C1orf21: variants seen among roughly 807,000 people sequenced by gnomAD.
The protein encoded by C1orf21 is uncharacterized protein C1orf21.
Under a neutral mutation model 18.7 loss-of-function variants are expected in C1orf21, and 3 were observed. The observed-to-expected ratio is 0.16, with a 90% CI of 0.07 to 0.42. The LOEUF (loss-of-function observed/expected upper bound fraction) is 0.42, where lower values mean the gene tolerates loss of function less well. Ranked by LOEUF, C1orf21 falls within the 10% of genes least tolerant of loss-of-function variation. The pLI is 0.99. For synonymous variants in C1orf21, 41 were observed against 46.4 expected, an observed-to-expected ratio of 0.88 and a Z score of 0.47; for missense variants, 104 against 143.6, an observed-to-expected ratio of 0.72 and a Z score of 1.41.
chr1:184,440,963 T>C (rs1656934518), intron 1 of C1orf21, among the ~76,000 whole-genome samples: 1 of 152,228 alleles, frequency 6.6e-6, no homozygotes, highest in East Asian at 1.9e-4. Context: ...TATTCAGTAT[T>C]TTGAACTGAA....
chr1:184,561,876 G>T (rs531442631), intron 3 of C1orf21, among the ~76,000 whole-genome samples: 36 of 152,018 alleles, frequency 2.4e-4, no homozygotes, highest in Admixed American at 1.3e-4. Context: ...ATCATGATCC[G>T]CCCACCTTGG....
chr1:184,394,174 A>G (rs2101953713), intron 1 of C1orf21, among the ~76,000 whole-genome samples: 1 of 152,354 alleles, frequency 6.6e-6, no homozygotes, highest in Admixed American at 6.5e-5. Context: ...TTGTTATGCA[A>G]TATCCTGAGT....
In C1orf21 at chr1:184,428,791, A is replaced by G. The variant is rs185165614; in HGVS notation, c.-125+41423A>G. Among the ~76,000 whole-genome samples the G allele has an allele frequency of 2.2e-4, 34 of 152,260 alleles. 1 individual carries two copies. The highest frequency in any genetic ancestry group is 1.9e-3 in the Admixed American group (29 of 15,290). On this transcript the variant is annotated intron_variant, in intron 1 of 5. Transcript: ENST00000235307. Reference sequence around the variant, plus strand: ...CCCCTGGTGGATAAAATGGGCCCAGACAGGGAAAGAAGCTGGGTCTGAGCT... The same window carrying G: ...CCCCTGGTGGATAAAATGGGCCCAGGCAGGGAAAGAAGCTGGGTCTGAGCT...
At chr1:184,486,216 T>C (rs1476945100) in intron 2 of C1orf21, among the ~76,000 whole-genome samples, 1 of 152,172 alleles carries the variant, frequency 6.6e-6, no homozygotes, top group Non-Finnish European at 1.5e-5. Flanking sequence ...TCCTTTTAGG[T>C]GGTTCCTGGG....
At chr1:184,460,622 CTT>C (rs1657289185) in intron 1 of C1orf21, among the ~76,000 whole-genome samples, 3 of 13,304 alleles carry the variant, frequency 2.3e-4, no homozygotes, top group South Asian at 0.021. Context: ...TCGTCGTCGT[CTT>C]CTTCTTCTTC....
chr1:184,610,007 G>A (rs1338797078), intron 5 of C1orf21, among the ~76,000 whole-genome samples: 4 of 152,184 alleles, frequency 2.6e-5, no homozygotes, highest in African/African-American at 9.7e-5. Flanking sequence ...AATTATCCCT[G>A]CTGTTTGAGC....
chr1:184,507,472 T>C (rs1445396830), intron 2 of C1orf21, 116 bp from the exon 3 acceptor site: 8 of 794,492 alleles, frequency 1.0e-5, no homozygotes, highest in Non-Finnish European at 1.4e-5. Context: ...ATGAACCACA[T>C]ATGAAGGCCA....
At chr1:184,494,930 C>G (rs1470303206) in intron 2 of C1orf21, among the ~76,000 whole-genome samples, 2 of 151,142 alleles carry the variant, frequency 1.3e-5, no homozygotes, top group African/African-American at 4.9e-5. Flanking sequence ...TAAATTCCTA[C>G]TTCAGTTTCC....
chr1:184,527,551 G>A (rs539719351), intron 3 of C1orf21, among the ~76,000 whole-genome samples: 5 of 152,186 alleles, frequency 3.3e-5, no homozygotes, highest in Non-Finnish European at 5.9e-5. Context: ...GGACTTAAAA[G>A]ATGAGGGTGT....
intron 1 of C1orf21, among the ~76,000 whole-genome samples, chr1:184,450,296 C>T (rs1657102666): frequency 6.6e-6 from 1 of 152,190 alleles, no homozygotes; most frequent in Admixed American, 6.5e-5. Context: ...AACCTGGTGC[C>T]CCTCCAGACA....
rs148053876 is a variant in C1orf21, at chr1:184,552,130, A to G, written c.190-38609A>G. ...TGCCCAGGAATACTGTTGCAATACC[A>G]TAGTAACTGCAACAAATATTACAGG... On this transcript the variant is annotated intron_variant, in intron 3 of 5. Coordinates refer to ENST00000235307, the MANE Select transcript of C1orf21 (RefSeq NM_030806.4). Among the ~76,000 whole-genome samples, 1,149 of 152,308 alleles carry G rather than the reference A, an allele frequency of 7.5e-3. 6 individuals carry two copies. The highest frequency in any genetic ancestry group is 0.02 in the Middle Eastern group (6 of 294).
At position 184,517,844 on chromosome 1, in the gene C1orf21, C is replaced by T. The variant is rs187588659; in HGVS notation, c.189+10162C>T. Reference sequence around the variant, plus strand: ...GCATCAGATTCATCCCCAAAGATCTCATGGTTCTAACTCAGTAGTCTCTCT... The same window carrying T: ...GCATCAGATTCATCCCCAAAGATCTTATGGTTCTAACTCAGTAGTCTCTCT... On this transcript the variant is annotated intron_variant, in intron 3 of 5. Coordinates refer to ENST00000235307, the MANE Select transcript of C1orf21 (RefSeq NM_030806.4). 2.1e-3 allele frequency among the ~76,000 whole-genome samples: 318 copies of T among 152,290 alleles called. 2 individuals are homozygous for T. Among genetic ancestry groups the T allele is most frequent in the East Asian group, 2.7e-3 (14 of 5,188 alleles).
intron 1 of C1orf21, among the ~76,000 whole-genome samples, chr1:184,449,552 T>C (rs1016783445): frequency 3.3e-5 from 5 of 152,180 alleles, no homozygotes; most frequent in African/African-American, 1.2e-4. Context: ...TATAATCCTT[T>C]GGGTATATAC....
At chr1:184,395,734 G>A (rs1656041201) in intron 1 of C1orf21, among the ~76,000 whole-genome samples, 1 of 152,088 alleles carries the variant, frequency 6.6e-6, no homozygotes, top group South Asian at 2.1e-4. Flanking sequence ...TATTCCCACT[G>A]TCCAACGTAG....
At chr1:184,496,455 A>T (rs1274247163) in intron 2 of C1orf21, among the ~76,000 whole-genome samples, 2 of 152,166 alleles carry the variant, frequency 1.3e-5, no homozygotes, top group African/African-American at 4.8e-5. Context: ...TTTCGGGCAC[A>T]CCTCTCTCAG....
rs546491299 is a variant in C1orf21 at position 184,515,292 on chromosome 1, C to T, written c.189+7610C>T. On this transcript the variant is annotated intron_variant, in intron 3 of 5. Transcript: ENST00000235307. ...AAAATATGAGTATATTATCTGTGTG[C>T]TTTAAAATTGATTTTTAAAAAGGGA... Among the ~76,000 whole-genome samples, 38 of 152,154 alleles carry T rather than the reference C, an allele frequency of 2.5e-4. 1 individual carries two copies. Among genetic ancestry groups the T allele is most frequent in the Admixed American group, 1.3e-3 (20 of 15,286 alleles).
chr1:184,507,597 G>A lies in C1orf21; in HGVS notation c.104G>A (p.Arg35Lys). Residue 35 changes from arginine (R) to lysine (K), a missense_variant, in exon 3 of 6, where the codon AGG becomes AAG. Physicochemically the swap from Arg to Lys is conservative, Grantham distance 26. Transcript: ENST00000235307. ...TTTTTTTGGCACTCAGATGAGTATA[G>A]GATCAAACCAGTGGAAGAGGTCAAA... ...QNGDVFGDEY[R>K]IKPVEEVKYM... is the part of the protein sequence containing the mutation. The A allele has an allele frequency of 3.1e-6, 5 of 1,603,966 alleles. No individual in the cohort carries two copies. The highest frequency in any genetic ancestry group is 4.2e-6 in the Non-Finnish European group (5 of 1,176,750).
intron 3 of C1orf21, among the ~76,000 whole-genome samples, chr1:184,548,833 G>A (rs922212889): frequency 1.3e-5 from 2 of 152,044 alleles, no homozygotes; most frequent in Non-Finnish European, 1.5e-5. Context: ...TAAAAGTCAC[G>A]GTTGTTTTCA....
At chr1:184,520,049 A>T (rs1218530571) in intron 3 of C1orf21, among the ~76,000 whole-genome samples, 1 of 152,224 alleles carries the variant, frequency 6.6e-6, no homozygotes, top group Non-Finnish European at 1.5e-5. Flanking sequence ...TAATAAGTAT[A>T]TGAAGGTACC....
Sources: gnomAD v4.1 joint callset for allele counts (sites outside exome capture counted in the v4.1 genomes callset) on GRCh38, gnomAD v4.1.1 for gene constraint, MANE v1.5 for transcripts, NCBI Gene and HGNC (gene_info 2026-07-23, HGNC 2026-07-21) for gene names.